Variants in TAFA1 observed in about 807,000 individuals in gnomAD.
TAFA1 encodes chemokine-like protein TAFA-1.
Under a neutral mutation model 18.5 loss-of-function variants are expected in TAFA1, and 4 were observed. The observed-to-expected ratio is 0.22, with a 90% CI of 0.11 to 0.49. The LOEUF is 0.49. Among genes scored for constraint, TAFA1 ranks in the 20% least tolerant of loss-of-function variants. The pLI is 0.98. For missense variants in TAFA1, 147 were observed against 169.0 expected, an observed-to-expected ratio of 0.87 and a Z score of 0.72; for synonymous variants, 56 against 55.2, an observed-to-expected ratio of 1.01 and a Z score of -0.06.
chr3:68,381,717 C>G (rs1025891662), intron 2 of TAFA1, among the ~76,000 whole-genome samples: 6 of 152,162 alleles, frequency 3.9e-5, no homozygotes, highest in African/African-American at 9.7e-5. Context: ...CATCTGCAAA[C>G]AGGGACAATT....
intron 3 of TAFA1, among the ~76,000 whole-genome samples, chr3:68,434,134 T>C (rs1050846339): frequency 6.6e-6 from 1 of 152,164 alleles, no homozygotes; most frequent in Non-Finnish European, 1.5e-5. Flanking sequence ...TCAACAAAAC[T>C]GAATTGGCAG....
intron 3 of TAFA1, among the ~76,000 whole-genome samples, chr3:68,493,380 A>G (rs1050717964): frequency 6.6e-6 from 1 of 152,120 alleles, no homozygotes; most frequent in African/African-American, 2.4e-5. Flanking sequence ...TTGTTTTTCT[A>G]TTCATTGTTG....
At chr3:68,387,098 G>T (rs1044388743) in intron 2 of TAFA1, among the ~76,000 whole-genome samples, 1 of 150,700 alleles carries the variant, frequency 6.6e-6, no homozygotes, top group Non-Finnish European at 1.5e-5. Context: ...ACTTTCTTAA[G>T]GATGGAGCCC....
intron 2 of TAFA1, among the ~76,000 whole-genome samples, chr3:68,230,138 C>T (rs2066854416): frequency 6.6e-6 from 1 of 152,038 alleles, no homozygotes; most frequent in African/African-American, 2.4e-5. Flanking sequence ...TTCTAGTCTT[C>T]TAGTTATTTT....
At chr3:68,311,452 A>G (rs2068514715) in intron 2 of TAFA1, among the ~76,000 whole-genome samples, 1 of 152,242 alleles carries the variant, frequency 6.6e-6, no homozygotes, top group South Asian at 2.1e-4. Flanking sequence ...AAAACAAGGT[A>G]GTTACTTCCT....
Position 68,526,425 on chromosome 3 carries a change from T to C in TAFA1, c.260-12331T>C, listed in dbSNP as rs761845259. Among the ~76,000 whole-genome samples the C allele has an allele frequency of 7.2e-4, 110 of 152,166 alleles. 2 individuals are homozygous for C. The highest frequency in any genetic ancestry group is 2.8e-4 in the Non-Finnish European group (19 of 68,004). ...AATCAGTGTACAACTTTCCCATTAC[T>C]GCCAAAATTGTGAACACTAGTTTTG... On this transcript the variant is annotated intron_variant, in intron 3 of 4. Transcript: ENST00000478136.
At chr3:68,097,972 G>A (rs892682673) in intron 2 of TAFA1, among the ~76,000 whole-genome samples, 1 of 152,118 alleles carries the variant, frequency 6.6e-6, no homozygotes, top group African/African-American at 2.4e-5. Context: ...GTGTTGACAG[G>A]TTATTCCTCC....
intron 2 of TAFA1, among the ~76,000 whole-genome samples, chr3:68,408,774 C>T (rs996563662): frequency 2.4e-4 from 37 of 152,158 alleles, no homozygotes; most frequent in African/African-American, 8.9e-4. Context: ...ACAGGCTAGA[C>T]AACAAGCCCA....
At chr3:68,270,521 T>G (rs906237527) in intron 2 of TAFA1, among the ~76,000 whole-genome samples, 7 of 152,186 alleles carry the variant, frequency 4.6e-5, no homozygotes. Flanking sequence ...TCGATTCCCC[T>G]GTCAGGGAAA....
chr3:68,192,057 T>C (rs2066348445), intron 2 of TAFA1, among the ~76,000 whole-genome samples: 1 of 151,788 alleles, frequency 6.6e-6, no homozygotes. Context: ...CGCCTACATA[T>C]ATCATCAGCT....
At chr3:68,508,726 T>A (rs930037538) in intron 3 of TAFA1, among the ~76,000 whole-genome samples, 3 of 151,830 alleles carry the variant, frequency 2.0e-5, no homozygotes, top group Admixed American at 6.6e-5. Flanking sequence ...ATATACAAAA[T>A]CAGGAAATTA....
intron 2 of TAFA1, among the ~76,000 whole-genome samples, chr3:68,043,993 C>T (rs1187550875): frequency 6.6e-6 from 1 of 152,178 alleles, no homozygotes; most frequent in Admixed American, 6.5e-5. Flanking sequence ...TCCCAGCCAA[C>T]CTTTTCCACT....
chr3:68,474,521 G>A (rs1364310867), intron 3 of TAFA1, among the ~76,000 whole-genome samples: 1 of 152,186 alleles, frequency 6.6e-6, no homozygotes, highest in Non-Finnish European at 1.5e-5. Context: ...ATCTAGCAGA[G>A]TCAAACTCAC....
Position 68,449,823 on chromosome 3 carries a change from G to T in TAFA1, c.259+32403G>T, listed in dbSNP as rs77726270. Among the ~76,000 whole-genome samples the T allele has an allele frequency of 3.9e-3, 593 of 152,286 alleles. 12 individuals are homozygous for T. In the East Asian group the frequency reaches 0.056, roughly 14 times the overall value. On this transcript the variant is annotated intron_variant, in intron 3 of 4. Transcript: ENST00000478136. ...TTTCTTTGTATTCATGTCTACATGA[G>T]TACAGAGTACTTTTGGTAAAAGTGG... is the stretch of plus-strand genomic sequence containing the variant.
At chr3:68,267,500 C>A (rs1159654908) in intron 2 of TAFA1, among the ~76,000 whole-genome samples, 1 of 152,084 alleles carries the variant, frequency 6.6e-6, no homozygotes, top group Non-Finnish European at 1.5e-5. Context: ...ACCTAGTGAT[C>A]CCAAGAATTA....
intron 2 of TAFA1, among the ~76,000 whole-genome samples, chr3:68,129,630 T>A (rs1260040372): frequency 2.0e-5 from 3 of 152,246 alleles, no homozygotes; most frequent in Non-Finnish European, 2.9e-5. Flanking sequence ...GCATGGATAA[T>A]TATACGTTAC....
intron 2 of TAFA1, among the ~76,000 whole-genome samples, chr3:68,307,840 AG>A (rs1168004225): frequency 6.6e-6 from 1 of 152,182 alleles, no homozygotes; most frequent in African/African-American, 2.4e-5. Context: ...GGTCAGGATT[AG>A]TTATATGTAA....
intron 2 of TAFA1, among the ~76,000 whole-genome samples, chr3:68,143,759 G>T (rs1468607103): frequency 6.6e-6 from 1 of 152,128 alleles, no homozygotes; most frequent in Non-Finnish European, 1.5e-5. Context: ...AAAACAGAAT[G>T]AATCTTGTTT....
At chr3:68,022,265 C>G (rs1464507498) in intron 2 of TAFA1, among the ~76,000 whole-genome samples, 5 of 152,042 alleles carry the variant, frequency 3.3e-5, no homozygotes, top group Non-Finnish European at 5.9e-5. Flanking sequence ...TATTCATCAA[C>G]AGGAAACAAT....
Sources: gnomAD v4.1 joint callset for allele counts (sites outside exome capture counted in the v4.1 genomes callset) on GRCh38, gnomAD v4.1.1 for gene constraint, MANE v1.5 for transcripts, NCBI Gene and HGNC (gene_info 2026-07-23, HGNC 2026-07-21) for gene names.